Variants in MID1 observed in about 807,000 individuals in gnomAD.
MID1 encodes the protein midline 1.
MID1 carries 7 observed loss-of-function variants against 40.4 expected under a neutral mutation model. The ratio of observed to expected loss-of-function variants is 0.17; its 90% confidence interval spans 0.10 to 0.33. The LOEUF (loss-of-function observed/expected upper bound fraction) is 0.33, where lower values mean the gene tolerates loss of function less well. Ranked by LOEUF, MID1 falls within the 10% of genes least tolerant of loss-of-function variation. The probability of loss-of-function intolerance (pLI) is 1.00; values close to 1 mark genes in which losing one functional copy is unlikely to be tolerated. For missense variants in MID1, 367 were observed against 558.5 expected, an observed-to-expected ratio of 0.66 and a Z score of 3.46; for synonymous variants, 229 against 221.2, an observed-to-expected ratio of 1.04 and a Z score of -0.31.
chrX:10,666,298 G>T (rs1177627952), intron 1 of MID1, among the ~76,000 whole-genome samples: 1 of 108,211 alleles, frequency 9.2e-6, no homozygotes, highest in African/African-American at 3.4e-5. Flanking sequence ...TAATTTATTG[G>T]TAATGCTCAA....
At chrX:10,772,173 A>ATATG (rs1284286448) in intron 1 of MID1, among the ~76,000 whole-genome samples, 1 of 110,944 alleles carries the variant, frequency 9.0e-6, no homozygotes, top group East Asian at 2.8e-4. Flanking sequence ...ATATGTATAT[A>ATATG]TGTGTGTGTG....
chrX:10,661,083 C>T lies in MID1; in HGVS notation c.-186-40664G>A, dbSNP rs189006392. Among the ~76,000 whole-genome samples the T allele has an allele frequency of 4.5e-3, 496 of 111,222 alleles. 4 individuals carry two copies. The highest frequency in any genetic ancestry group is 0.015 in the African/African-American group (472 of 30,579). ...AAATTATACCCTTTAATAATAAAAG[C>T]TTGATCCAACTGTGACACTTGAGAC... On this transcript the variant is annotated intron_variant, in intron 1 of 10. Transcript: ENST00000380785.
At chrX:10,636,886 C>CTGTGTGTGTGTG (rs36101583) in intron 1 of MID1, among the ~76,000 whole-genome samples, 1 of 89,841 alleles carries the variant, frequency 1.1e-5, no homozygotes, top group African/African-American at 4.2e-5. Context: ...TCTTAAAACG[C>CTGTGTGTGTGTG]TGTGTGTGTG....
intron 1 of MID1, among the ~76,000 whole-genome samples, chrX:10,737,471 G>A (rs1303789506): frequency 2.7e-5 from 3 of 112,510 alleles, no homozygotes; most frequent in Non-Finnish European, 5.6e-5. Context: ...TGCCGGCCGC[G>A]GCCAATGCCA....
intron 2 of MID1, among the ~76,000 whole-genome samples, chrX:10,541,002 C>T (rs1186419369): frequency 8.9e-6 from 1 of 111,989 alleles, no homozygotes; most frequent in Non-Finnish European, 1.9e-5. Flanking sequence ...CAGAGCTATG[C>T]GGGTGCTGCC....
chrX:10,644,830 C>T (rs1241836390), intron 1 of MID1, among the ~76,000 whole-genome samples: 3 of 111,856 alleles, frequency 2.7e-5, no homozygotes, highest in African/African-American at 9.7e-5. Context: ...GCACAGATTA[C>T]AAGCAGAAAG....
chrX:10,831,614 A>G (rs979787046), intron 1 of MID1, among the ~76,000 whole-genome samples: 1 of 111,873 alleles, frequency 8.9e-6, no homozygotes, highest in African/African-American at 3.3e-5. Context: ...TGTTAATACT[A>G]AAGTGTTAAA....
chrX:10,509,358 T>C (rs1202992744), intron 3 of MID1, among the ~76,000 whole-genome samples: 1 of 111,984 alleles, frequency 8.9e-6, no homozygotes, highest in Non-Finnish European at 1.9e-5. Context: ...GTGGAATTAT[T>C]ATTTATAAGT....
At chrX:10,529,765 A>G (rs1211150002) in intron 2 of MID1, among the ~76,000 whole-genome samples, 1 of 111,729 alleles carries the variant, frequency 9.0e-6, no homozygotes, top group East Asian at 2.8e-4. Context: ...AGAGTATAAT[A>G]AAGCCACAGG....
intron 1 of MID1, among the ~76,000 whole-genome samples, chrX:10,798,996 T>C (rs773617352): frequency 1.8e-4 from 20 of 111,826 alleles, no homozygotes; most frequent in Non-Finnish European, 3.8e-5. Flanking sequence ...TTGACTGTCA[T>C]TGGAATTTTT....
intron 2 of MID1, among the ~76,000 whole-genome samples, chrX:10,559,752 G>A (rs761814418): frequency 9.0e-6 from 1 of 111,598 alleles, no homozygotes; most frequent in South Asian, 3.8e-4. Context: ...TTTAGTAGCT[G>A]TTGGAATGCC....
At chrX:10,685,238 T>A (rs2043087402) in intron 1 of MID1, among the ~76,000 whole-genome samples, 1 of 111,911 alleles carries the variant, frequency 8.9e-6, no homozygotes, top group South Asian at 3.8e-4. Context: ...GTATTTACTA[T>A]TGTTGGGACT....
intron 3 of MID1, among the ~76,000 whole-genome samples, chrX:10,517,240 G>A (rs771732175): frequency 9.9e-5 from 11 of 111,075 alleles, no homozygotes; most frequent in Non-Finnish European, 1.7e-4. Flanking sequence ...TTATTTTCCC[G>A]GGGAATGCTC....
chrX:10,672,367 ACCACATCCTT>A (rs1401429686), intron 1 of MID1, among the ~76,000 whole-genome samples: 1 of 112,050 alleles, frequency 8.9e-6, no homozygotes, highest in Non-Finnish European at 1.9e-5. Context: ...AGGATGTTTA[ACCACATCCTT>A]CGACATCCTT....
At chrX:10,541,177 T>C (rs1162240121) in intron 2 of MID1, among the ~76,000 whole-genome samples, 1 of 112,233 alleles carries the variant, frequency 8.9e-6, no homozygotes, top group African/African-American at 3.2e-5. Context: ...TTCTCTCCCA[T>C]ACATGAGCCG....
intron 1 of MID1, among the ~76,000 whole-genome samples, chrX:10,783,839 G>T (rs1375588384): frequency 2.7e-5 from 3 of 109,135 alleles, no homozygotes; most frequent in African/African-American, 1.0e-4. Flanking sequence ...CATCAAAATT[G>T]TTCCTTAACT....
At chrX:10,830,657 G>A (rs960624449) in intron 1 of MID1, among the ~76,000 whole-genome samples, 1 of 112,125 alleles carries the variant, frequency 8.9e-6, no homozygotes, top group Non-Finnish European at 1.9e-5. Context: ...CCTGGACTAA[G>A]CCATATTAGT....
At chrX:10,816,264 T>A (rs1306958608) in intron 1 of MID1, among the ~76,000 whole-genome samples, 1 of 112,296 alleles carries the variant, frequency 8.9e-6, no homozygotes, top group Non-Finnish European at 1.9e-5. Flanking sequence ...CCAATATTGA[T>A]ATAAACATAA....
intron 1 of MID1, among the ~76,000 whole-genome samples, chrX:10,581,197 C>T (rs745553031): frequency 9.0e-5 from 10 of 111,040 alleles, no homozygotes; most frequent in South Asian, 7.6e-4. Context: ...TGCAGTGAAC[C>T]GAGATTGCGC....
Sources: allele counts gnomAD v4.1 joint callset (sites outside exome capture counted in the v4.1 genomes callset), GRCh38; gene constraint gnomAD v4.1.1; transcripts MANE v1.5; gene names NCBI Gene and HGNC (gene_info 2026-07-23, HGNC 2026-07-21).